The following BRINP2 variants were observed in gnomAD, a reference collection of about 807,000 sequenced individuals.
BRINP2 encodes BMP/retinoic acid inducible neural specific 2.
In BRINP2, 21 loss-of-function variants were observed where a neutral mutation model predicts 69.2. That is an observed-to-expected ratio of 0.30 (90% CI 0.22 to 0.44). The LOEUF (loss-of-function observed/expected upper bound fraction) is 0.44. Ranked by LOEUF, BRINP2 falls within the 20% of genes least tolerant of loss-of-function variation. The pLI, the probability that BRINP2 is intolerant of heterozygous loss-of-function variation, is 1.00. For missense variants in BRINP2, 877 were observed against 986.0 expected, an observed-to-expected ratio of 0.89 and a Z score of 1.48; for synonymous variants, 380 against 394.1, an observed-to-expected ratio of 0.96 and a Z score of 0.42.
At chr1:177,188,653 TGATATC>T (rs1558152584) in intron 1 of BRINP2, among the ~76,000 whole-genome samples, 1 of 152,208 alleles carries the variant, frequency 6.6e-6, no homozygotes, top group Non-Finnish European at 1.5e-5. Flanking sequence ...TGACACTCTT[TGATATC>T]TATTTAACTC....
chr1:177,278,495 G>A lies in BRINP2; in HGVS notation c.1013-68G>A, dbSNP rs181694466. The A allele has an allele frequency of 5.0e-5, 72 of 1,439,264 alleles. 1 individual carries two copies. Among genetic ancestry groups the A allele is most frequent in the Middle Eastern group, 1.7e-4 (1 of 5,730 alleles). 89.2% of individuals were successfully genotyped at this position (1,439,264 alleles called of 1,614,324 possible). ...TTGAAGGGCCCTGGATCTGGGCAGC[G>A]TCCACTTGCCCCTACCAGAGTTCTG... On this transcript the variant is annotated intron_variant, in intron 6 of 7. Transcript: ENST00000361539.
At chr1:177,231,890 TA>T (rs936978399) in intron 2 of BRINP2, among the ~76,000 whole-genome samples, 3 of 151,800 alleles carry the variant, frequency 2.0e-5, no homozygotes, top group Admixed American at 2.0e-4. Context: ...CAGCTGTCAG[TA>T]AACACCTAAG....
intron 2 of BRINP2, among the ~76,000 whole-genome samples, chr1:177,232,589 C>T (rs373299907): frequency 1.2e-4 from 18 of 152,240 alleles, no homozygotes; most frequent in African/African-American, 2.4e-4. Flanking sequence ...GTGGCTCATG[C>T]GCACTTGTAG....
intron 4 of BRINP2, among the ~76,000 whole-genome samples, chr1:177,266,535 G>C (rs1023090243): frequency 6.6e-6 from 1 of 151,870 alleles, no homozygotes; most frequent in Non-Finnish European, 1.5e-5. Context: ...CGAGGAGGGC[G>C]GATCACGAGG....
In BRINP2 at chr1:177,204,017, G is replaced by A. The variant is rs55878127; in HGVS notation, c.-76-25784G>A. On this transcript the variant is annotated intron_variant, in intron 1 of 7. Coordinates refer to ENST00000361539, the MANE Select transcript of BRINP2 (RefSeq NM_021165.4). ...ATAGGAGTGCCAATATCAGGAGCAA[G>A]TGCCCTGTGGTTGAAGGCACCAGAT... 2.9e-3 allele frequency among the ~76,000 whole-genome samples: 447 copies of A among 152,302 alleles called. 5 individuals carry two copies. The highest frequency in any genetic ancestry group is 0.01 in the African/African-American group (433 of 41,570).
At chr1:177,237,499 T>C (rs1024906036) in intron 2 of BRINP2, among the ~76,000 whole-genome samples, 1 of 152,254 alleles carries the variant, frequency 6.6e-6, no homozygotes, top group Non-Finnish European at 1.5e-5. Context: ...ACAATGGCTC[T>C]TGCCACACAT....
At chr1:177,184,171 C>T (rs1021227965) in intron 1 of BRINP2, among the ~76,000 whole-genome samples, 4 of 152,132 alleles carry the variant, frequency 2.6e-5, no homozygotes, top group African/African-American at 7.2e-5. Context: ...AAAAGCTGAA[C>T]AGCTTAGAGG....
At chr1:177,279,578 G>A (rs1651626112) in intron 7 of BRINP2, among the ~76,000 whole-genome samples, 1 of 152,194 alleles carries the variant, frequency 6.6e-6, no homozygotes, top group Non-Finnish European at 1.5e-5. Context: ...CAGCAACCCA[G>A]TGGTACAGCT....
intron 1 of BRINP2, among the ~76,000 whole-genome samples, chr1:177,209,637 G>C (rs1049592641): frequency 6.6e-6 from 1 of 152,168 alleles, no homozygotes; most frequent in Non-Finnish European, 1.5e-5. Flanking sequence ...GAGCAACCAA[G>C]TGTGAGACAC....
intron 2 of BRINP2, among the ~76,000 whole-genome samples, chr1:177,252,310 TTTTC>T (rs1298912463): frequency 6.6e-6 from 1 of 152,182 alleles, no homozygotes; most frequent in Non-Finnish European, 1.5e-5. Flanking sequence ...AGTCACCCGC[TTTTC>T]TTTGTTTCCC....
At chr1:177,219,267 C>T (rs1649458420) in intron 1 of BRINP2, among the ~76,000 whole-genome samples, 1 of 152,188 alleles carries the variant, frequency 6.6e-6, no homozygotes, top group African/African-American at 2.4e-5. Flanking sequence ...TTATTGATTG[C>T]ACCCCGTTGT....
At chr1:177,235,094 C>CA (rs1226540141) in intron 2 of BRINP2, among the ~76,000 whole-genome samples, 2 of 152,204 alleles carry the variant, frequency 1.3e-5, no homozygotes, top group African/African-American at 4.8e-5. Context: ...ACAGCATGCT[C>CA]AAAGTGCAGT....
intron 2 of BRINP2, among the ~76,000 whole-genome samples, chr1:177,250,097 A>G (rs991758710): frequency 4.0e-5 from 6 of 151,598 alleles, no homozygotes; most frequent in African/African-American, 9.7e-5. Context: ...AATTTTTGAG[A>G]CAGGGGTCTT....
chr1:177,276,005 C>T (rs1362307726), intron 5 of BRINP2, among the ~76,000 whole-genome samples, 193 bp from the exon 6 acceptor site: 1 of 152,214 alleles, frequency 6.6e-6, no homozygotes, highest in Non-Finnish European at 1.5e-5. Flanking sequence ...CAGATCCTCC[C>T]CCATCTGTCA....
At chr1:177,244,987 T>A (rs1650328901) in intron 2 of BRINP2, among the ~76,000 whole-genome samples, 1 of 152,030 alleles carries the variant, frequency 6.6e-6, no homozygotes. Flanking sequence ...CACAAGTGAG[T>A]GATATTGCAA....
chr1:177,200,293 CA>C (rs35619503), intron 1 of BRINP2, among the ~76,000 whole-genome samples: 76 of 34,804 alleles, frequency 2.2e-3, no homozygotes, highest in Admixed American at 7.8e-3. Context: ...AACTCTGTCT[CA>C]AAAAAAAAAA....
chr1:177,213,263 G>T (rs1322019476), intron 1 of BRINP2, among the ~76,000 whole-genome samples: 2 of 152,118 alleles, frequency 1.3e-5, no homozygotes, highest in East Asian at 3.9e-4. Flanking sequence ...TGGGGTCACG[G>T]AATTATTTAT....
intron 2 of BRINP2, among the ~76,000 whole-genome samples, chr1:177,246,788 C>T (rs928309784): frequency 8.5e-5 from 13 of 152,266 alleles, no homozygotes; most frequent in Non-Finnish European, 1.9e-4. Flanking sequence ...TTTTTATTAT[C>T]GTTTCGTTTT....
chr1:177,267,065 A>G (rs1651152231), intron 4 of BRINP2, among the ~76,000 whole-genome samples: 1 of 152,210 alleles, frequency 6.6e-6, no homozygotes, highest in South Asian at 2.1e-4. Flanking sequence ...GTCCCTGGAC[A>G]TGGCATTTTC....
Sources: allele counts gnomAD v4.1 joint callset (sites outside exome capture counted in the v4.1 genomes callset), GRCh38; gene constraint gnomAD v4.1.1; transcripts MANE v1.5; gene names NCBI Gene and HGNC (gene_info 2026-07-23, HGNC 2026-07-21).